Variants in XIRP2 observed in about 807,000 individuals in gnomAD.
XIRP2 encodes xin actin-binding repeat-containing protein 2.
XIRP2 carries 236 observed loss-of-function variants against 277.0 expected under a neutral mutation model. The ratio of observed to expected loss-of-function variants is 0.85; its 90% CI spans 0.77 to 0.95. The LOEUF (loss-of-function observed/expected upper bound fraction) is 0.95, where lower values mean the gene tolerates loss of function less well. Among genes scored for constraint, XIRP2 ranks in the 40% least tolerant of loss-of-function variants. The pLI, the probability that XIRP2 is intolerant of heterozygous loss-of-function variation, is 0.00. For missense variants in XIRP2, 4,640 were observed against 4,157.5 expected, an observed-to-expected ratio of 1.12 and a Z score of -3.19; for synonymous variants, 1,490 against 1,416.5, an observed-to-expected ratio of 1.05 and a Z score of -1.17.
chr2:167,071,720 GA>G (rs1342721604), intron 2 of XIRP2, among the ~76,000 whole-genome samples: 1 of 152,176 alleles, frequency 6.6e-6, no homozygotes. Context: ...TGAAAACGGG[GA>G]AAGTATTATG....
intron 3 of XIRP2, among the ~76,000 whole-genome samples, chr2:167,138,772 T>C (rs1247707621): frequency 6.6e-5 from 10 of 152,250 alleles, no homozygotes; most frequent in African/African-American, 2.4e-4. Context: ...AATATAAAAA[T>C]CTGATTCGTT....
chr2:166,954,684 A>T (rs571874640), intron 2 of XIRP2, among the ~76,000 whole-genome samples: 18 of 152,014 alleles, frequency 1.2e-4, no homozygotes, highest in Non-Finnish European at 2.5e-4. Context: ...CCCATCAGTG[A>T]TAGACTGGAT....
intron 2 of XIRP2, among the ~76,000 whole-genome samples, chr2:167,048,029 T>G (rs922630079): frequency 6.6e-6 from 1 of 151,956 alleles, no homozygotes; most frequent in African/African-American, 2.4e-5. Flanking sequence ...CATGCCAAAA[T>G]TTCTGAAAGA....
intron 2 of XIRP2, among the ~76,000 whole-genome samples, chr2:166,943,376 C>G (rs1027851093): frequency 2.0e-5 from 3 of 152,206 alleles, no homozygotes; most frequent in Non-Finnish European, 2.9e-5. Flanking sequence ...TGGCTCTGCT[C>G]TCTCTTTGCT....
intron 3 of XIRP2, among the ~76,000 whole-genome samples, chr2:167,180,225 A>T (rs544016723): frequency 6.6e-6 from 1 of 152,200 alleles, no homozygotes; most frequent in South Asian, 2.1e-4. Context: ...TGGTTTTGTC[A>T]TCTCAGATCT....
intron 2 of XIRP2, among the ~76,000 whole-genome samples, chr2:167,002,162 CT>C (rs1687391478): frequency 6.6e-6 from 1 of 151,994 alleles, no homozygotes; most frequent in South Asian, 2.1e-4. Context: ...AATTGTATAA[CT>C]ATACAACAAT....
intron 1 of XIRP2, among the ~76,000 whole-genome samples, chr2:166,897,684 T>C (rs1382823876): frequency 2.0e-5 from 3 of 152,100 alleles, no homozygotes; most frequent in Non-Finnish European, 4.4e-5. Context: ...CAGACTTTCA[T>C]GGAGAAGGTG....
At chr2:166,895,793 T>C (rs973421010) in intron 1 of XIRP2, among the ~76,000 whole-genome samples, 3 of 152,152 alleles carry the variant, frequency 2.0e-5, no homozygotes, top group Non-Finnish European at 4.4e-5. Flanking sequence ...TTGCAGCTTG[T>C]TATGTGGTCT....
chr2:166,964,940 T>C (rs1686390752), intron 2 of XIRP2, among the ~76,000 whole-genome samples: 1 of 151,804 alleles, frequency 6.6e-6, no homozygotes, highest in Non-Finnish European at 1.5e-5. Flanking sequence ...TATATATTCA[T>C]CACAGGTCAG....
chr2:167,097,140 TG>T (rs1475964352), intron 2 of XIRP2, among the ~76,000 whole-genome samples: 1 of 152,144 alleles, frequency 6.6e-6, no homozygotes, highest in African/African-American at 2.4e-5. Context: ...ATATTGACAG[TG>T]GGGTGTTAAA....
chr2:167,116,826 G>T (rs1378325500), intron 2 of XIRP2, among the ~76,000 whole-genome samples: 2 of 152,204 alleles, frequency 1.3e-5, no homozygotes, highest in Non-Finnish European at 2.9e-5. Flanking sequence ...CAGCAGAAGA[G>T]TTAGATGTAC....
chr2:166,936,531 T>G (rs1685507902), intron 2 of XIRP2, among the ~76,000 whole-genome samples: 1 of 152,194 alleles, frequency 6.6e-6, no homozygotes, highest in African/African-American at 2.4e-5. Context: ...TCTTCTAGGG[T>G]TTTCATAGCT....
At chr2:167,155,638 T>C (rs1574304945) in intron 3 of XIRP2, among the ~76,000 whole-genome samples, 1 of 152,096 alleles carries the variant, frequency 6.6e-6, no homozygotes, top group East Asian at 1.9e-4. Context: ...ACAGCCAATA[T>C]CATACTGAAT....
rs570860592 is a variant in XIRP2, at chr2:167,248,399, C to G, written c.7007C>G (p.Ala2336Gly). 10 of 1,613,754 alleles carry G rather than the reference C, an allele frequency of 6.2e-6. No homozygotes were observed. In the Admixed American group the frequency reaches 1.2e-4, roughly 19 times the overall value. ...LPSLSTEKIK[A>G]EFESFPGLPL... is the part of the protein sequence containing the mutation. ...TCACTGTCCACAGAGAAGATAAAGG[C>G]TGAATTTGAAAGTTTTCCAGGCCTC... The change falls in exon 9 of 11, where the codon GCT becomes GGT. Residue 2336 changes from alanine (A) to glycine (G), a missense_variant. Transcript: ENST00000409195.
At chr2:167,122,096 A>C (rs1691072153) in intron 2 of XIRP2, among the ~76,000 whole-genome samples, 1 of 152,170 alleles carries the variant, frequency 6.6e-6, no homozygotes. Context: ...CTAGCTTCTA[A>C]ATGAGATCAG....
chr2:167,213,730 C>T (rs950403337), intron 4 of XIRP2, among the ~76,000 whole-genome samples: 4 of 152,080 alleles, frequency 2.6e-5, no homozygotes, highest in Non-Finnish European at 5.9e-5. Flanking sequence ...AGCATTACTC[C>T]CGGTTATGAC....
intron 2 of XIRP2, among the ~76,000 whole-genome samples, chr2:166,927,406 T>C (rs920621842): frequency 6.6e-6 from 1 of 152,150 alleles, no homozygotes; most frequent in East Asian, 1.9e-4. Context: ...ATCAAAGTGT[T>C]GGCAAGTCTG....
intron 2 of XIRP2, among the ~76,000 whole-genome samples, chr2:167,095,072 G>T (rs191460853): frequency 6.6e-5 from 10 of 152,000 alleles, no homozygotes; most frequent in Admixed American, 6.6e-4. Context: ...TATTCTCTTT[G>T]TAGCAATTGT....
chr2:167,256,881 T>C (rs1362724711), intron 10 of XIRP2, among the ~76,000 whole-genome samples: 1 of 151,938 alleles, frequency 6.6e-6, no homozygotes, highest in Non-Finnish European at 1.5e-5. Flanking sequence ...ATTTCTGTAA[T>C]CATTATCCTG....
Sources: allele counts gnomAD v4.1 joint callset (sites outside exome capture counted in the v4.1 genomes callset), GRCh38; gene constraint gnomAD v4.1.1; transcripts MANE v1.5; gene names NCBI Gene and HGNC (gene_info 2026-07-23, HGNC 2026-07-21).